Variants in VGLL4 observed in about 807,000 individuals in gnomAD.
VGLL4 encodes the protein transcription cofactor vestigial-like protein 4.
Under a neutral mutation model 21.0 loss-of-function variants are expected in VGLL4, and 7 were observed. The ratio of observed to expected loss-of-function variants is 0.33; its 90% CI spans 0.19 to 0.63. The LOEUF (loss-of-function observed/expected upper bound fraction) is 0.63. VGLL4 is among the 20% of genes least tolerant of loss of function. The pLI is 0.78. For missense variants in VGLL4, 394 were observed against 425.7 expected, an observed-to-expected ratio of 0.93 and a Z score of 0.66; for synonymous variants, 222 against 173.2, an observed-to-expected ratio of 1.28 and a Z score of -2.21.
rs71316495 is a variant in VGLL4, at chr3:11,653,892, G to T, written c.64+49079C>A. Among the ~76,000 whole-genome samples, 1,447 of 151,974 alleles carry T rather than the reference G, an allele frequency of 9.5e-3. 14 individuals are homozygous for T. The highest frequency in any genetic ancestry group is 0.016 in the Non-Finnish European group (1,064 of 67,944). On this transcript the variant is annotated intron_variant, in intron 2 of 5. Transcript: ENST00000273038. This position sits in a 1 kb window ranked among gnomAD's most constrained non-coding sequence, Gnocchi z 4.2. Reference sequence around the variant, plus strand: ...AAGAACTCTGTGACACTTGTAGCAGGCAGAGGGATAGAATTCACCCGAGAC... The same window carrying T: ...AAGAACTCTGTGACACTTGTAGCAGTCAGAGGGATAGAATTCACCCGAGAC...
chr3:11,676,203 C>T (rs1028202712), intron 2 of VGLL4, among the ~76,000 whole-genome samples: 4 of 151,826 alleles, frequency 2.6e-5, no homozygotes, highest in African/African-American at 7.3e-5. Flanking sequence ...CTGGCTAACA[C>T]GGTGAAACCC....
intron 2 of VGLL4, among the ~76,000 whole-genome samples, chr3:11,660,597 G>C (rs1382732498): frequency 3.3e-5 from 5 of 152,254 alleles, no homozygotes; most frequent in African/African-American, 1.2e-4. Context: ...AAGTAACCCA[G>C]TTTCAAAATT....
chr3:11,675,713 C>T (rs1252972299), intron 2 of VGLL4, among the ~76,000 whole-genome samples: 1 of 152,122 alleles, frequency 6.6e-6, no homozygotes, highest in African/African-American at 2.4e-5. Flanking sequence ...TTTTTAGATA[C>T]CTTTCTTAAG....
intron 3 of VGLL4, among the ~76,000 whole-genome samples, chr3:11,563,915 C>T (rs1365655511): frequency 6.6e-6 from 1 of 152,188 alleles, no homozygotes; most frequent in Non-Finnish European, 1.5e-5. Context: ...TCAACAGACC[C>T]CATCAGACAC....
chr3:11,573,170 A>G (rs1260422176), intron 2 of VGLL4, among the ~76,000 whole-genome samples: 1 of 151,624 alleles, frequency 6.6e-6, no homozygotes, highest in Non-Finnish European at 1.5e-5. Flanking sequence ...CGTCTCAAGA[A>G]AGAAAGACAG....
Position 11,643,867 on chromosome 3 carries a change from G to C in VGLL4, c.-349C>G. On this transcript the variant is annotated 5_prime_UTR_variant, in exon 1 of 5. Transcript: ENST00000430365. ...CGTTTCCTAGGACAAAGCGGCGCCG[G>C]CCCCTCTCACAGCCCGCTGCAAGCC... is the stretch of plus-strand genomic sequence containing the variant. 9.8e-7 allele frequency: 1 copy of C among 1,021,974 alleles called. No individual in the cohort carries two copies. Among genetic ancestry groups the C allele is most frequent in the Non-Finnish European group, 1.2e-6 (1 of 853,166 alleles). 63.3% of individuals were successfully genotyped at this position (1,021,974 alleles called of 1,614,324 possible).
intron 2 of VGLL4, among the ~76,000 whole-genome samples, chr3:11,579,452 T>G (rs544044594): frequency 6.6e-6 from 1 of 152,358 alleles, no homozygotes; most frequent in South Asian, 2.1e-4. Context: ...TTTCAAATTC[T>G]GCAAAAACTT....
At chr3:11,646,484 C>A (rs2075795176), upstream of VGLL4, among the ~76,000 whole-genome samples, 1 of 151,616 alleles carries the variant, frequency 6.6e-6, no homozygotes, top group African/African-American at 2.4e-5. Context: ...GAACCAGCAG[C>A]AGTAGCTTCT....
chr3:11,576,190 G>A (rs951177033), intron 2 of VGLL4, among the ~76,000 whole-genome samples: 14 of 152,214 alleles, frequency 9.2e-5, no homozygotes, highest in Admixed American at 7.9e-4. Flanking sequence ...AGCAGTGGAT[G>A]CCCACCTGCG....
At chr3:11,603,520 C>T (rs926566113) in intron 1 of VGLL4, among the ~76,000 whole-genome samples, 1 of 152,172 alleles carries the variant, frequency 6.6e-6, no homozygotes, top group Non-Finnish European at 1.5e-5. Context: ...CTAATTATCT[C>T]CGTTATTTGT....
intron 2 of VGLL4, among the ~76,000 whole-genome samples, chr3:11,575,397 C>T (rs926975427): frequency 6.6e-6 from 1 of 152,192 alleles, no homozygotes; most frequent in Non-Finnish European, 1.5e-5. Flanking sequence ...CTCCAGCCTT[C>T]GAGTTTCTTT....
At chr3:11,608,511 G>A (rs1030844141) in intron 1 of VGLL4, among the ~76,000 whole-genome samples, 5 of 152,154 alleles carry the variant, frequency 3.3e-5, no homozygotes, top group African/African-American at 1.2e-4. Flanking sequence ...CAATGGCAGA[G>A]AAGTTTAACA....
chr3:11,590,663 AGTGT>A (rs10592668), intron 2 of VGLL4, among the ~76,000 whole-genome samples: 38,802 of 146,656 alleles, frequency 0.26, 6,067 homozygotes, highest in African/African-American at 0.43. Context: ...CAAAATGAAG[AGTGT>A]GTGTGTGTGT....
chr3:11,639,361 G>A (rs1053969687), intron 1 of VGLL4, among the ~76,000 whole-genome samples: 19 of 152,256 alleles, frequency 1.2e-4, no homozygotes, highest in African/African-American at 4.3e-4. Context: ...AGCACGAAGA[G>A]CACCTTCCAG....
At chr3:11,563,422 G>A (rs759165994) in intron 3 of VGLL4, among the ~76,000 whole-genome samples, 14 of 152,192 alleles carry the variant, frequency 9.2e-5, no homozygotes, top group Non-Finnish European at 1.8e-4. Flanking sequence ...CCTGTGGGTC[G>A]CACTGCGCAC....
intron 1 of VGLL4, among the ~76,000 whole-genome samples, chr3:11,622,624 T>C (rs2075283635): frequency 6.6e-6 from 1 of 152,228 alleles, no homozygotes; most frequent in African/African-American, 2.4e-5. Flanking sequence ...ATTTGGGGTC[T>C]ACAAGACTAT....
At chr3:11,577,165 G>C (rs1348723332) in intron 2 of VGLL4, among the ~76,000 whole-genome samples, 1 of 152,200 alleles carries the variant, frequency 6.6e-6, no homozygotes, top group Non-Finnish European at 1.5e-5. Flanking sequence ...CTAGAAACGA[G>C]TGGTCTGAGG....
At chr3:11,627,415 TA>T (rs950759987) in intron 1 of VGLL4, 5 of 149,282 alleles carry the variant, frequency 3.3e-5, no homozygotes, top group East Asian at 3.9e-4. Context: ...CCGTCTCTAC[TA>T]AAAAAAAAGA....
At chr3:11,667,842 C>CTTTTTTTTTTTT (rs746416276) in intron 2 of VGLL4, among the ~76,000 whole-genome samples, 3 of 69,334 alleles carry the variant, frequency 4.3e-5, no homozygotes, top group African/African-American at 6.0e-5. Flanking sequence ...CTATCTTCTT[C>CTTTTTTTTTTTT]TTTTTTTTTT....
Sources: allele counts gnomAD v4.1 joint callset (sites outside exome capture counted in the v4.1 genomes callset), GRCh38; gene constraint gnomAD v4.1.1; non-coding constraint Gnocchi (gnomAD v3.1); transcripts MANE v1.5; gene names NCBI Gene and HGNC (gene_info 2026-07-23, HGNC 2026-07-21).